PCDHA4: variants seen among roughly 807,000 people sequenced by gnomAD.
PCDHA4 encodes the protein protocadherin alpha-4.
Under a neutral mutation model 61.4 loss-of-function variants are expected in PCDHA4, and 49 were observed. The observed-to-expected ratio is 0.80, with a 90% confidence interval of 0.63 to 1.01. The LOEUF (loss-of-function observed/expected upper bound fraction) is 1.01, where lower values mean the gene tolerates loss of function less well. Among genes scored for constraint, PCDHA4 ranks in the 50% least tolerant of loss-of-function variants. PCDHA4 has a pLI of 0.00. For missense variants in PCDHA4, 1,254 were observed against 1,235.8 expected (o/e 1.01, Z -0.22); for synonymous variants, 590 against 550.3 (o/e 1.07, Z -1.01).
At chr5:140,873,162 G>A (rs782467879) in intron 1 of PCDHA4, among the ~76,000 whole-genome samples, 21 of 152,108 alleles carry the variant, frequency 1.4e-4, no homozygotes, top group Non-Finnish European at 2.2e-4. Flanking sequence ...ACTTTAGATC[G>A]AGAGCTTTTG....
intron 1 of PCDHA4, chr5:140,856,366 G>A (rs1388631411): frequency 1.3e-6 from 2 of 1,598,482 alleles, no homozygotes; most frequent in Admixed American, 1.7e-5. Context: ...TCCACCTGGA[G>A]GTGATCGTGG....
intron 3 of PCDHA4, among the ~76,000 whole-genome samples, chr5:140,999,657 C>A (rs1257419150): frequency 6.6e-6 from 1 of 152,156 alleles, no homozygotes; most frequent in Non-Finnish European, 1.5e-5. Flanking sequence ...CTGAGCCCTG[C>A]TGGGTTGCGG....
chr5:140,872,873 A>G (rs1419569928), intron 1 of PCDHA4, among the ~76,000 whole-genome samples: 1 of 152,204 alleles, frequency 6.6e-6, no homozygotes, highest in African/African-American at 2.4e-5. Flanking sequence ...GACAATTATC[A>G]GTTTCATTCA....
Position 140,961,453 on chromosome 5 carries a change from C to A in PCDHA4, c.2386-17496C>A, listed in dbSNP as rs138800149. On this transcript the variant is annotated intron_variant, in intron 1 of 3. Transcript: ENST00000530339. ...AAAATCACCTAACTACACTGTCTTG[C>A]AGCTGCCTTTCTTTTTTTGTCTTGT... Among the ~76,000 whole-genome samples the A allele has an allele frequency of 2.6e-3, 401 of 152,318 alleles. 1 individual carries two copies. The highest frequency in any genetic ancestry group is 9.2e-3 in the African/African-American group (384 of 41,574).
At chr5:140,839,253 T>C (rs1187384033) in intron 1 of PCDHA4, among the ~76,000 whole-genome samples, 1 of 152,096 alleles carries the variant, frequency 6.6e-6, no homozygotes, top group African/African-American at 2.4e-5. Flanking sequence ...CTTTTATGCT[T>C]ACATGCATGT....
chr5:140,911,894 A>G (rs1352900427), intron 1 of PCDHA4, among the ~76,000 whole-genome samples: 2 of 152,184 alleles, frequency 1.3e-5, no homozygotes, highest in Non-Finnish European at 2.9e-5. Context: ...CAAAATCTGT[A>G]TTAGTCAGAG....
At chr5:140,968,189 T>C (rs181004208) in intron 1 of PCDHA4, 2 of 1,614,034 alleles carry the variant, frequency 1.2e-6, no homozygotes, top group Middle Eastern at 1.6e-4. Flanking sequence ...GGACTCCTAT[T>C]CCATCTACAT....
intron 1 of PCDHA4, chr5:140,858,071 C>A: frequency 6.3e-7 from 1 of 1,597,680 alleles, no homozygotes; most frequent in Non-Finnish European, 8.6e-7. Context: ...CAGCCAGGCA[C>A]CCAAGGCCTC....
intron 1 of PCDHA4, chr5:140,824,017 T>C (rs2150131551): frequency 1.2e-6 from 2 of 1,613,996 alleles, no homozygotes; most frequent in South Asian, 2.2e-5. Context: ...GGGGAGCTGG[T>C]CGTACTCGCA....
At chr5:140,877,811 G>A in intron 1 of PCDHA4, 1 of 1,610,242 alleles carries the variant, frequency 6.2e-7, no homozygotes, top group Non-Finnish European at 8.5e-7. Context: ...CAGCTGTCTC[G>A]AGAAGATTGT....
chr5:140,904,499 A>G (rs1554191555), intron 1 of PCDHA4, among the ~76,000 whole-genome samples: 1 of 151,770 alleles, frequency 6.6e-6, no homozygotes, highest in Non-Finnish European at 1.5e-5. Flanking sequence ...AATTTTTACA[A>G]TTGTGAATTG....
chr5:140,986,461 C>T (rs1554248079), intron 3 of PCDHA4, among the ~76,000 whole-genome samples: 1 of 152,154 alleles, frequency 6.6e-6, no homozygotes. Context: ...TTAATGAATG[C>T]CCTCTTGTGA....
intron 1 of PCDHA4, chr5:140,966,442 T>C (rs1474683794): frequency 4.7e-6 from 2 of 424,056 alleles, no homozygotes; most frequent in East Asian, 3.6e-5. Flanking sequence ...TACCGCTCCC[T>C]TTCCCCCTCC....
chr5:140,814,789 T>C lies in PCDHA4; in HGVS notation c.2385+5217T>C, dbSNP rs2126658661. On this transcript the variant is annotated intron_variant, in intron 1 of 3. Transcript: ENST00000530339. ...TGGTCTGTTATTGGTTGAAACGTTG[T>C]TATACAACACTTGACTTTATTGTAT... The C allele has an allele frequency of 2.8e-4, 43 of 152,320 alleles. 1 individual carries two copies. The highest frequency in any genetic ancestry group is 2.8e-3 in the Admixed American group (43 of 15,304). The allele number at this position is 152,320 out of a possible 1,614,324, so 9.4% of individuals were successfully genotyped here.
chr5:140,830,614 TTG>T (rs1387881436), intron 1 of PCDHA4: 73 of 608,268 alleles, frequency 1.2e-4, no homozygotes, highest in East Asian at 2.1e-4. Context: ...TTTCATTTTA[TTG>T]TGTTTCTTAT....
intron 1 of PCDHA4, among the ~76,000 whole-genome samples, chr5:140,911,798 T>C (rs1387986120): frequency 6.6e-6 from 1 of 152,178 alleles, no homozygotes; most frequent in Non-Finnish European, 1.5e-5. Context: ...GGTCTAATCA[T>C]ATTAAGCAGC....
intron 1 of PCDHA4, chr5:140,926,601 T>G: frequency 3.1e-6 from 1 of 317,718 alleles, no homozygotes; most frequent in Non-Finnish European, 5.7e-6. Context: ...GCGGGCGGCC[T>G]CGTCTCTGCA....
intron 1 of PCDHA4, chr5:140,841,625 T>C (rs1425270500): frequency 1.9e-6 from 3 of 1,614,028 alleles, no homozygotes; most frequent in African/African-American, 1.3e-5. Flanking sequence ...GAGCGCGGAG[T>C]GCAGCATCCA....
chr5:140,860,136 T>C (rs2150487566), intron 1 of PCDHA4: 1 of 150,532 alleles, frequency 6.6e-6, no homozygotes, highest in East Asian at 2.0e-4. Context: ...TGTGTGTGTA[T>C]ATATATGTAT....
Sources: gnomAD v4.1 joint callset for allele counts (sites outside exome capture counted in the v4.1 genomes callset) on GRCh38, gnomAD v4.1.1 for gene constraint, MANE v1.5 for transcripts, NCBI Gene and HGNC (gene_info 2026-07-23, HGNC 2026-07-21) for gene names.